Variants in KIF9 observed in about 807,000 individuals in gnomAD.
KIF9 encodes kinesin family member 9.
In KIF9, 68 loss-of-function variants were observed where a neutral mutation model predicts 94.8. The observed-to-expected ratio is 0.72, with a 90% CI of 0.59 to 0.88. The LOEUF (loss-of-function observed/expected upper bound fraction) is 0.88, where lower values mean the gene tolerates loss of function less well. KIF9 is among the 40% of genes least tolerant of loss of function. The pLI, the probability that KIF9 is intolerant of heterozygous loss-of-function variation, is 0.00. For missense variants in KIF9, 882 were observed against 982.5 expected, an observed-to-expected ratio of 0.90 and a Z score of 1.37; for synonymous variants, 343 against 362.1, an observed-to-expected ratio of 0.95 and a Z score of 0.60.
intron 12 of KIF9, among the ~76,000 whole-genome samples, chr3:47,246,969 G>T (rs900699617): frequency 1.3e-5 from 2 of 152,156 alleles, no homozygotes; most frequent in African/African-American, 4.8e-5. Flanking sequence ...GGGCCCTGGG[G>T]TCTACCTTGT....
chr3:47,269,432 C>A (rs1420448261), intron 5 of KIF9, among the ~76,000 whole-genome samples: 2 of 152,078 alleles, frequency 1.3e-5, no homozygotes, highest in Non-Finnish European at 2.9e-5. Context: ...CAGGCATGCG[C>A]CCCCATGCCT....
At chr3:47,253,377 C>A (rs1700386821) in intron 10 of KIF9, among the ~76,000 whole-genome samples, 1 of 152,002 alleles carries the variant, frequency 6.6e-6, no homozygotes, top group Non-Finnish European at 1.5e-5. Flanking sequence ...GCTGGTCTCG[C>A]ACTCCTGGCC....
intron 17 of KIF9, 32 bp from the exon 18 acceptor site, chr3:47,236,651 G>A (rs370442548): frequency 2.5e-6 from 4 of 1,604,580 alleles, no homozygotes; most frequent in Non-Finnish European, 3.4e-6. Context: ...CAGGAAATGA[G>A]GAGGTGTCCA....
At chr3:47,241,446 T>C (rs1422978198) in intron 16 of KIF9, among the ~76,000 whole-genome samples, 2 of 151,390 alleles carry the variant, frequency 1.3e-5, no homozygotes, top group African/African-American at 4.9e-5. Context: ...CTCAGCCTCC[T>C]CAGTAGCTGG....
At chr3:47,282,390 G>T in intron 1 of KIF9, 105 bp downstream of exon 1, 1 of 986,258 alleles carries the variant, frequency 1.0e-6, no homozygotes, top group Non-Finnish European at 1.2e-6. Flanking sequence ...ACCCAGCTGG[G>T]AACCCCCAGA....
At position 47,228,088 on chromosome 3, in the gene KIF9, G is replaced by C. The variant is rs910002946; in HGVS notation, c.*564C>G. The C allele has an allele frequency of 5.9e-5, 9 of 152,844 alleles. No individual in the cohort carries two copies. The highest frequency in any genetic ancestry group is 5.2e-4 in the Admixed American group (8 of 15,332). The allele number at this position is 152,844 out of a possible 1,614,324, so 9.5% of individuals were successfully genotyped here. A position where few individuals can be genotyped will look rare whatever the true frequency, so the allele number is the denominator to read the frequency against. ...CTGTGGCTAGACCTTATCCTCCCCTGGTTGCCAAATGAAGGAGGGCCTCCT... is the reference window on the plus strand; with the variant it reads ...CTGTGGCTAGACCTTATCCTCCCCTCGTTGCCAAATGAAGGAGGGCCTCCT... On this transcript the variant is annotated 3_prime_UTR_variant, in exon 21 of 21. Coordinates refer to ENST00000684063, the MANE Select transcript of KIF9 (RefSeq NM_182902.4).
intron 20 of KIF9, among the ~76,000 whole-genome samples, chr3:47,232,669 C>T (rs1199629275): frequency 6.6e-6 from 1 of 151,608 alleles, no homozygotes; most frequent in Admixed American, 6.6e-5. Flanking sequence ...TTAAAAATAA[C>T]AAAATACCTA....
intron 4 of KIF9, 93 bp downstream of exon 4, chr3:47,273,459 C>T: frequency 2.1e-6 from 2 of 930,276 alleles, no homozygotes; most frequent in Non-Finnish European, 3.3e-6. Context: ...AGGCCTGGTC[C>T]CCACTGTCTC....
At chr3:47,265,206 G>A (rs1382254099) in intron 8 of KIF9, among the ~76,000 whole-genome samples, 3 of 152,190 alleles carry the variant, frequency 2.0e-5, no homozygotes, top group Non-Finnish European at 2.9e-5. Flanking sequence ...AAACAGCAGA[G>A]GAGAGATGAT....
intron 1 of KIF9, chr3:47,280,835 C>G: frequency 1.4e-6 from 1 of 692,224 alleles, no homozygotes; most frequent in Non-Finnish European, 2.6e-6. Context: ...CCAAGCAGGC[C>G]AGGAGCCATA....
At chr3:47,247,524 C>A (rs768863152) in intron 11 of KIF9, 47 bp from the exon 12 acceptor site, 7 of 1,444,022 alleles carry the variant, frequency 4.8e-6, no homozygotes, top group Non-Finnish European at 6.8e-6. Context: ...AGAACCTGAG[C>A]CCACAGGGGA....
intron 10 of KIF9, among the ~76,000 whole-genome samples, chr3:47,254,734 G>GT (rs1443637881): frequency 2.0e-4 from 31 of 152,266 alleles, no homozygotes; most frequent in African/African-American, 7.5e-4. Context: ...GATGCCAGTG[G>GT]TTCTCAAGTG....
chr3:47,253,672 A>G (rs1700406553), intron 10 of KIF9, among the ~76,000 whole-genome samples: 1 of 152,214 alleles, frequency 6.6e-6, no homozygotes, highest in African/African-American at 2.4e-5. Flanking sequence ...TGTAAATAAT[A>G]GAGACTGTCG....
At chr3:47,251,396 T>A (rs752632777) in intron 10 of KIF9, among the ~76,000 whole-genome samples, 1 of 152,004 alleles carries the variant, frequency 6.6e-6, no homozygotes, top group Non-Finnish European at 1.5e-5. Context: ...TGAAACCCCA[T>A]CTCTACTAAA....
intron 1 of KIF9, chr3:47,281,076 T>C: frequency 4.3e-6 from 3 of 702,294 alleles, no homozygotes; most frequent in East Asian, 2.7e-5. Context: ...CCCCTCACAA[T>C]GTCCAGGGCA....
In KIF9 at chr3:47,247,381, C is replaced by A; in HGVS notation, c.1225G>T (p.Glu409Ter). 6.2e-7 allele frequency: 1 copy of A among 1,611,442 alleles called. No homozygotes were observed. The highest frequency in any genetic ancestry group is 1.1e-5 in the South Asian group (1 of 91,004). ...ACAGAGGGGTTCCTTACGTCGATCTCGTCCAGTGTCCCCTCCAGGTACCTC... is the reference window on the plus strand; with the variant it reads ...ACAGAGGGGTTCCTTACGTCGATCTAGTCCAGTGTCCCCTCCAGGTACCTC... The part of the protein sequence containing the change: ...VRRYLEGTLD[E>*]IDIISLRQIK... The change falls in exon 12 of 21, where the codon GAG becomes TAG. Residue 409 changes from glutamate to a stop codon, truncating the protein, a stop_gained. Transcript: ENST00000684063. LOFTEE classifies it high-confidence loss of function.
chr3:47,269,068 CT>C (rs1701470581), intron 5 of KIF9, among the ~76,000 whole-genome samples: 1 of 152,150 alleles, frequency 6.6e-6, no homozygotes, highest in African/African-American at 2.4e-5. Context: ...GACACCGCGC[CT>C]GGCCTTGCCT....
intron 4 of KIF9, 66 bp from the exon 5 acceptor site, chr3:47,271,527 GC>G: frequency 8.7e-7 from 1 of 1,144,170 alleles, no homozygotes; most frequent in East Asian, 2.3e-5. Context: ...CATAAGGGGG[GC>G]TTCCTAACTC....
chr3:47,246,262 A>C lies in KIF9; in HGVS notation c.1234-10T>G. ...GTCTAAGGCTGATTATCTGGAGGGAAGACAGCAAGGCAGAGGTTAGACCAA... is the reference window on the plus strand; with the variant it reads ...GTCTAAGGCTGATTATCTGGAGGGACGACAGCAAGGCAGAGGTTAGACCAA... On this transcript the variant is annotated splice_polypyrimidine_tract_variant and intron_variant, in intron 12 of 20. Coordinates refer to ENST00000684063, the MANE Select transcript of KIF9 (RefSeq NM_182902.4). 6.2e-7 allele frequency: 1 copy of C among 1,610,508 alleles called. No homozygotes were observed. Among genetic ancestry groups the C allele is most frequent in the Non-Finnish European group, 8.5e-7 (1 of 1,178,102 alleles).
Sources: gnomAD v4.1 joint callset for allele counts (sites outside exome capture counted in the v4.1 genomes callset) on GRCh38, gnomAD v4.1.1 for gene constraint, MANE v1.5 for transcripts, NCBI Gene and HGNC (gene_info 2026-07-23, HGNC 2026-07-21) for gene names.